The following ZNF33B variants were observed in gnomAD, a reference collection of about 807,000 sequenced individuals.
ZNF33B encodes the protein zinc finger protein 11b (KOX 2).
ZNF33B carries 29 observed loss-of-function variants against 45.8 expected under a neutral mutation model. That is an observed-to-expected ratio of 0.63 (90% CI 0.47 to 0.86). The LOEUF (loss-of-function observed/expected upper bound fraction) is 0.86, where lower values mean the gene tolerates loss of function less well. Ranked by LOEUF, ZNF33B falls within the 40% of genes least tolerant of loss-of-function variation. The pLI is 0.00. For missense variants in ZNF33B, 831 were observed against 909.9 expected (o/e 0.91, Z 1.12); for synonymous variants, 305 against 307.8 (o/e 0.99, Z 0.10).
chr10:42,583,096 A>C, intron 1 of ZNF33B: 3 of 800,598 alleles, frequency 3.7e-6, no homozygotes, highest in Non-Finnish European at 4.4e-6. Context: ...TCCAAGGTCC[A>C]GGATCAGTGC....
At chr10:42,609,814 A>T (rs1216046864) in intron 4 of ZNF33B, among the ~76,000 whole-genome samples, 1 of 152,250 alleles carries the variant, frequency 6.6e-6, no homozygotes, top group Non-Finnish European at 1.5e-5. Flanking sequence ...TAACCACATG[A>T]TCATCTCAGT....
rs775943034 is a variant in ZNF33B, at chr10:42,632,359, G to A, written c.90C>T (p.Asp30=). The A allele has an allele frequency of 3.1e-6, 5 of 1,613,562 alleles. No homozygotes were observed. In the African/African-American group the frequency reaches 5.3e-5, roughly 17 times the overall value. ...CTCTATACAGAGCCCTCTGACTAGG[G>A]TCCAGGTGCTGCCACTCCTCCTGGG... ...GFTQEEWQHL[D]PSQRALYRDV... The change falls in exon 3 of 5, where the codon GAC becomes GAT. Residue 30 remains aspartate (D), a synonymous_variant. Transcript: ENST00000359467.
At chr10:42,582,691 T>C (rs1836849781) in intron 1 of ZNF33B, 1 of 161,334 alleles carries the variant, frequency 6.2e-6, no homozygotes. Flanking sequence ...GTAGACTAAA[T>C]CGGATAAAAC....
intron 4 of ZNF33B, among the ~76,000 whole-genome samples, chr10:42,598,683 C>T (rs1045136374): frequency 6.6e-6 from 1 of 152,074 alleles, no homozygotes; most frequent in Admixed American, 6.6e-5. Context: ...TGAAGTTGGC[C>T]GAGATACAGG....
At chr10:42,604,616 C>T (rs1239832113) in intron 4 of ZNF33B, among the ~76,000 whole-genome samples, 1 of 151,300 alleles carries the variant, frequency 6.6e-6, no homozygotes, top group African/African-American at 2.4e-5. Flanking sequence ...ACTAGAATGA[C>T]TCAACAAAAG....
In ZNF33B at chr10:42,594,351, A is replaced by C; in HGVS notation, c.599T>G (p.Leu200Arg). 1.2e-6 allele frequency: 2 copies of C among 1,613,948 alleles called. No individual in the cohort carries two copies. Among genetic ancestry groups the C allele is most frequent in the Middle Eastern group, 1.7e-4 (1 of 6,058 alleles). ...CTGCAAAGTGTTCTCACGATGACTC[A>C]GAGTGTTCCTATTTTTCAAAACTTC... ...KNEVLKNRNT[L>R]SHRENTLQHE... Residue 200 changes from leucine to arginine, a missense_variant, in exon 5 of 5, where the codon CTG becomes CGG. By Grantham distance (102) the Leu-to-Arg change is moderately radical. Coordinates refer to ENST00000359467, the MANE Select transcript of ZNF33B (RefSeq NM_006955.3).
At chr10:42,622,689 G>A (rs1838643443) in intron 4 of ZNF33B, among the ~76,000 whole-genome samples, 1 of 152,196 alleles carries the variant, frequency 6.6e-6, no homozygotes, top group Non-Finnish European at 1.5e-5. Context: ...ACCACAGGCT[G>A]GTGGGAATGG....
intron 4 of ZNF33B, among the ~76,000 whole-genome samples, chr10:42,621,537 T>C (rs1337073864): frequency 1.3e-5 from 2 of 150,730 alleles, no homozygotes; most frequent in African/African-American, 4.9e-5. Flanking sequence ...AGAAAATCAA[T>C]GTTTTTAAAA....
At chr10:42,635,138 G>A (rs772446939) in intron 2 of ZNF33B, among the ~76,000 whole-genome samples, 3 of 152,006 alleles carry the variant, frequency 2.0e-5, no homozygotes, top group Non-Finnish European at 2.9e-5. Context: ...CTACTGGGGA[G>A]GCTTAGCCAG....
chr10:42,633,640 G>A (rs1459791031), intron 2 of ZNF33B, among the ~76,000 whole-genome samples: 1 of 152,122 alleles, frequency 6.6e-6, no homozygotes, highest in Non-Finnish European at 1.5e-5. Context: ...GGTTGGACAC[G>A]GTATTCTAGC....
At chr10:42,621,543 T>TAA (rs60215790) in intron 4 of ZNF33B, among the ~76,000 whole-genome samples, 1 of 144,488 alleles carries the variant, frequency 6.9e-6, no homozygotes, top group Non-Finnish European at 1.5e-5. Context: ...TCAATGTTTT[T>TAA]AAAAAAAAAA....
At chr10:42,631,151 C>T (rs1453008872) in intron 4 of ZNF33B, among the ~76,000 whole-genome samples, 6 of 152,110 alleles carry the variant, frequency 3.9e-5, no homozygotes, top group Non-Finnish European at 8.8e-5. Flanking sequence ...ACTTAATATA[C>T]ATAAACATAA....
At position 42,594,163 on chromosome 10, in the gene ZNF33B, A is replaced by G; in HGVS notation, c.787T>C (p.Leu263=). ...GRTFCDSSSL[L]FHQIPPSKDS... ...TTTGATGGAGGTATCTGATGGAACAAGAGGGATGAACTATCACAGAAAGTT... is the reference window on the plus strand; with the variant it reads ...TTTGATGGAGGTATCTGATGGAACAGGAGGGATGAACTATCACAGAAAGTT... The change falls in exon 5 of 5, where the codon TTG becomes CTG. Residue 263 remains leucine, a synonymous_variant. Transcript: ENST00000359467. The G allele has an allele frequency of 1.2e-6, 2 of 1,613,900 alleles. No homozygotes were observed. Among genetic ancestry groups the G allele is most frequent in the Non-Finnish European group, 1.7e-6 (2 of 1,179,938 alleles).
intron 2 of ZNF33B, chr10:42,632,791 T>G (rs2132166339): frequency 3.8e-6 from 1 of 263,608 alleles, no homozygotes; most frequent in Non-Finnish European, 7.2e-6. Flanking sequence ...TTAGCTCTGC[T>G]TTGAGTTTCA....
rs1331620987 is a variant in ZNF33B, at chr10:42,602,491, C to G, written c.251-7792G>C. 2.0e-5 allele frequency among the ~76,000 whole-genome samples: 3 copies of G among 152,250 alleles called. No individual in the cohort carries two copies. In the East Asian group the frequency reaches 5.8e-4, roughly 29 times the overall value. ...CATGTTTTCCCATATGTCTGTAAGT[C>G]TGGAAATATTTCAATGGATGGAAGA... is the stretch of plus-strand genomic sequence containing the variant. On this transcript the variant is annotated intron_variant, in intron 4 of 4. Coordinates refer to ENST00000359467, the MANE Select transcript of ZNF33B (RefSeq NM_006955.3).
Position 42,594,293 on chromosome 10 carries a change from A to C in ZNF33B, c.657T>G (p.Phe219Leu). The C allele has an allele frequency of 1.9e-6, 3 of 1,613,902 alleles. No individual in the cohort carries two copies. Among genetic ancestry groups the C allele is most frequent in the Non-Finnish European group, 2.5e-6 (3 of 1,179,912 alleles). ...HEKIQTLDHN[F>L]EYSICQETLL... is the part of the protein sequence containing the mutation. ...GGGTTTCCTGACATATACTGTATTC[A>C]AAATTGTGGTCTAAAGTTTGAATCT... The change falls in exon 5 of 5, where the codon TTT becomes TTG. Residue 219 changes from phenylalanine (F) to leucine (L), a missense_variant. Physicochemically the swap from Phe to Leu is conservative, Grantham distance 22. Coordinates refer to ENST00000359467, the MANE Select transcript of ZNF33B (RefSeq NM_006955.3).
At chr10:42,601,006 CTTTG>C (rs1348017991) in intron 4 of ZNF33B, among the ~76,000 whole-genome samples, 3 of 152,190 alleles carry the variant, frequency 2.0e-5, no homozygotes, top group Non-Finnish European at 4.4e-5. Flanking sequence ...AATCTTTCAG[CTTTG>C]TTTAACTGGA....
intron 4 of ZNF33B, among the ~76,000 whole-genome samples, chr10:42,610,691 A>G (rs1838063525): frequency 6.6e-6 from 1 of 152,246 alleles, no homozygotes; most frequent in African/African-American, 2.4e-5. Flanking sequence ...ATGGAAAGGC[A>G]CTGAATTGCA....
chr10:42,617,093 T>TC (rs1838359504), intron 4 of ZNF33B, among the ~76,000 whole-genome samples: 1 of 41,042 alleles, frequency 2.4e-5, no homozygotes, highest in African/African-American at 1.1e-4. Flanking sequence ...ATTTTTTCTC[T>TC]TTTTTTTTTT....
Sources: allele counts gnomAD v4.1 joint callset (sites outside exome capture counted in the v4.1 genomes callset), GRCh38; gene constraint gnomAD v4.1.1; transcripts MANE v1.5; gene names NCBI Gene and HGNC (gene_info 2026-07-23, HGNC 2026-07-21).